Variants in CHD8 observed in about 807,000 individuals in gnomAD.
CHD8 encodes the protein chromodomain helicase DNA binding protein 8.
Under a neutral mutation model 279.2 loss-of-function variants are expected in CHD8, and 31 were observed. The ratio of observed to expected loss-of-function variants is 0.11; its 90% CI spans 0.08 to 0.15. The LOEUF is 0.15. Ranked by LOEUF, CHD8 falls within the 10% of genes least tolerant of loss-of-function variation. The pLI is 1.00. For missense variants in CHD8, 2,146 were observed against 3,230.5 expected, an observed-to-expected ratio of 0.66 and a Z score of 8.14; for synonymous variants, 1,081 against 1,139.6, an observed-to-expected ratio of 0.95 and a Z score of 1.04.
intron 5 of CHD8, chr14:21,416,260 T>G (rs8022558): frequency 0.034 from 6,082 of 178,470 alleles, 128 homozygotes; most frequent in African/African-American, 0.067. Context: ...TTTGTTTCCA[T>G]TTTTTGCTTT....
intron 8 of CHD8, 198 bp downstream of exon 8, chr14:21,414,740 C>T: frequency 1.6e-6 from 1 of 626,138 alleles, no homozygotes; most frequent in East Asian, 2.8e-5. Context: ...CACCCTCACC[C>T]CACTTACCTA....
At chr14:21,401,805 C>T (rs1279841698) in intron 20 of CHD8, 152 bp downstream of exon 20, 19 of 694,166 alleles carry the variant, frequency 2.7e-5, no homozygotes, top group East Asian at 1.1e-4. Flanking sequence ...GGCTGGGTCT[C>T]GAACTCCTGA....
intron 10 of CHD8, among the ~76,000 whole-genome samples, chr14:21,411,336 A>T (rs1351756623): frequency 1.3e-5 from 2 of 152,206 alleles, no homozygotes; most frequent in African/African-American, 4.8e-5. Context: ...GCTTGTTAGG[A>T]TTTAAAGACA....
chr14:21,454,075 T>C (rs1356373917), intron 1 of CHD8, among the ~76,000 whole-genome samples: 1 of 151,706 alleles, frequency 6.6e-6, no homozygotes, highest in African/African-American at 2.4e-5. Context: ...GGAGAATTAC[T>C]TGAACCTGGG....
At chr14:21,389,239 G>A (rs1887419385) in intron 37 of CHD8, among the ~76,000 whole-genome samples, 1 of 151,532 alleles carries the variant, frequency 6.6e-6, no homozygotes, top group South Asian at 2.1e-4. Flanking sequence ...GGTAAAGGTT[G>A]CAGTGAGCTG....
intron 1 of CHD8, among the ~76,000 whole-genome samples, chr14:21,446,935 G>C (rs1294975795): frequency 1.3e-5 from 2 of 152,162 alleles, no homozygotes; most frequent in South Asian, 2.1e-4. Context: ...AAGGGTAAAG[G>C]CTTGTCTATG....
Position 21,386,102 on chromosome 14 carries a change from G to T in CHD8, c.7257C>A (p.Ala2419=). Residue 2419 remains alanine, a synonymous_variant, in exon 38 of 38, where the codon GCC becomes GCA. Transcript: ENST00000646647. ...PIAPESSKKR[A]RRMRPDLSKM... ...TAGAAAGGTCTGGTCGCATCCTACG[G>T]GCCCGCTTCTTGCTGCTCTCTGGTG... 6.4e-7 allele frequency: 1 copy of T among 1,558,814 alleles called. No individual in the cohort carries two copies.
chr14:21,406,749 A>G (rs1336129270), intron 14 of CHD8, 107 bp downstream of exon 14: 6 of 986,306 alleles, frequency 6.1e-6, no homozygotes, highest in African/African-American at 1.6e-5. Flanking sequence ...ACTGTTCAAT[A>G]CCACGATTCA....
At chr14:21,415,519 A>G in intron 7 of CHD8, 55 bp downstream of exon 7, 2 of 936,018 alleles carry the variant, frequency 2.1e-6, no homozygotes, top group Non-Finnish European at 2.9e-6. Flanking sequence ...ATAAATAAAT[A>G]AATAAATAAA....
chr14:21,399,572 G>T, intron 26 of CHD8, 30 bp downstream of exon 26: 1 of 1,473,704 alleles, frequency 6.8e-7, no homozygotes, highest in Non-Finnish European at 9.5e-7. Context: ...TCTTCAGTCG[G>T]AAAGGAGTAG....
intron 29 of CHD8, 35 bp downstream of exon 29, chr14:21,395,263 C>T: frequency 6.4e-7 from 1 of 1,566,184 alleles, no homozygotes. Flanking sequence ...CCCACCACCC[C>T]ACACAGAATT....
chr14:21,435,919 A>G (rs1327904006), intron 1 of CHD8, among the ~76,000 whole-genome samples: 1 of 152,206 alleles, frequency 6.6e-6, no homozygotes, highest in African/African-American at 2.4e-5. Flanking sequence ...TAGCCTCTCA[A>G]AAGGAGTTTA....
At position 21,430,901 on chromosome 14, in the gene CHD8, A is replaced by G. The variant is rs2139539182; in HGVS notation, c.743T>C (p.Leu248Pro). 1 of 1,599,456 alleles carries G rather than the reference A, an allele frequency of 6.3e-7. No individual in the cohort carries two copies. Among genetic ancestry groups the G allele is most frequent in the Non-Finnish European group, 8.5e-7 (1 of 1,179,756 alleles). The change falls in exon 2 of 38, where the codon CTG (leucine) becomes CCG (proline). Residue 248 changes from leucine (L) to proline (P), a missense_variant. Transcript: ENST00000646647. ...TGAACCCTTAACTGGCTGGAGGACC[A>G]GCTGCTTTACTGGTCGGCTGGGCTG... The part of the protein sequence containing the change: ...IVQPSRPVKQ[L>P]VLQPVKGSAP...
intron 25 of CHD8, 110 bp downstream of exon 25, chr14:21,399,871 A>G: frequency 1.9e-6 from 2 of 1,054,944 alleles, no homozygotes; most frequent in South Asian, 1.3e-5. Context: ...GACCTGATAT[A>G]TAGATTTAAA....
Position 21,385,890 on chromosome 14 carries a change from G to C in CHD8, c.7469C>G (p.Thr2490Ser), listed in dbSNP as rs1348436694. The C allele has an allele frequency of 6.4e-7, 1 of 1,551,618 alleles. No homozygotes were observed. Among genetic ancestry groups the C allele is most frequent in the Non-Finnish European group, 8.7e-7 (1 of 1,147,184 alleles). ...APSSPHVDSS[T>S]MLHHHHHHPH... ...GTGGTGGTGGTGGTGATGAAGCATGGTGCTGGAGTCTACATGAGGGGATGA... is the reference window on the plus strand; with the variant it reads ...GTGGTGGTGGTGGTGATGAAGCATGCTGCTGGAGTCTACATGAGGGGATGA... Residue 2490 changes from threonine (T) to serine (S), a missense_variant, in exon 38 of 38, where the codon ACC becomes AGC. By Grantham distance (58) the Thr-to-Ser change is moderately conservative. Coordinates refer to ENST00000646647, the MANE Select transcript of CHD8 (RefSeq NM_001170629.2).
intron 37 of CHD8, among the ~76,000 whole-genome samples, chr14:21,390,504 G>A (rs1887477199): frequency 6.6e-6 from 1 of 152,222 alleles, no homozygotes; most frequent in African/African-American, 2.4e-5. Flanking sequence ...TGGGCCAGGT[G>A]CAGTGTGGCT....
intron 5 of CHD8, among the ~76,000 whole-genome samples, chr14:21,417,296 G>A (rs921887727): frequency 2.0e-5 from 3 of 152,090 alleles, no homozygotes; most frequent in Non-Finnish European, 2.9e-5. Flanking sequence ...ATTTGCATAT[G>A]TGCACAAATC....
At chr14:21,397,765 G>T in intron 27 of CHD8, 58 bp downstream of exon 27, 4 of 1,565,720 alleles carry the variant, frequency 2.6e-6, no homozygotes, top group Non-Finnish European at 3.5e-6. Context: ...TTCAGTCAAG[G>T]CTAGAGTTAT....
At position 21,403,337 on chromosome 14, in the gene CHD8, A is replaced by T. The variant is rs922144666; in HGVS notation, c.3518+116T>A. 4 of 1,267,116 alleles carry T rather than the reference A, an allele frequency of 3.2e-6. No individual in the cohort carries two copies. Among genetic ancestry groups the T allele is most frequent in the Non-Finnish European group, 3.3e-6 (3 of 912,260 alleles). 78.5% of individuals were successfully genotyped at this position (1,267,116 alleles called of 1,614,324 possible). On this transcript the variant is annotated intron_variant, in intron 17 of 37. Coordinates refer to ENST00000646647, the MANE Select transcript of CHD8 (RefSeq NM_001170629.2). The surrounding 1 kb of genome is among the most constrained non-coding windows in gnomAD (Gnocchi z 4.3). ...GTCAAAAACCCAAGTTGAGAGTGAGAATCTTAAAAACTTCTCTTATTGCAA... is the reference window on the plus strand; with the variant it reads ...GTCAAAAACCCAAGTTGAGAGTGAGTATCTTAAAAACTTCTCTTATTGCAA...
Sources: gnomAD v4.1 joint callset for allele counts (sites outside exome capture counted in the v4.1 genomes callset) on GRCh38, gnomAD v4.1.1 for gene constraint, Gnocchi (gnomAD v3.1) non-coding constraint, MANE v1.5 for transcripts, NCBI Gene and HGNC (gene_info 2026-07-23, HGNC 2026-07-21) for gene names.